GRID2: variants seen among roughly 807,000 people sequenced by gnomAD.
GRID2 encodes glutamate receptor ionotropic, delta-2.
In GRID2, 33 loss-of-function variants were observed where a neutral mutation model predicts 114.8. The observed-to-expected ratio is 0.29, with a 90% CI of 0.22 to 0.38. The LOEUF is 0.38. Ranked by LOEUF, GRID2 falls within the 10% of genes least tolerant of loss-of-function variation. The pLI, the probability that GRID2 is intolerant of heterozygous loss-of-function variation, is 1.00. For synonymous variants in GRID2, 505 were observed against 449.9 expected (o/e 1.12, Z -1.55); for missense variants, 1,184 against 1,257.7 (o/e 0.94, Z 0.89).
intron 2 of GRID2, among the ~76,000 whole-genome samples, chr4:92,716,339 T>C (rs1350566769): frequency 1.3e-5 from 2 of 152,210 alleles, no homozygotes; most frequent in African/African-American, 4.8e-5. Flanking sequence ...GTTTTGAGCT[T>C]TGACATGCTC....
chr4:93,210,992 A>C (rs1052598826), intron 5 of GRID2, among the ~76,000 whole-genome samples: 1 of 152,112 alleles, frequency 6.6e-6, no homozygotes, highest in Non-Finnish European at 1.5e-5. Context: ...CCTTACTAGA[A>C]AAATAAAGTG....
chr4:93,193,674 C>A (rs1232575869), intron 4 of GRID2, among the ~76,000 whole-genome samples: 1 of 152,110 alleles, frequency 6.6e-6, no homozygotes, highest in Non-Finnish European at 1.5e-5. Context: ...TTGCTCTTTT[C>A]CTTTTGTATT....
intron 4 of GRID2, among the ~76,000 whole-genome samples, chr4:93,203,395 T>C (rs1008884831): frequency 6.6e-6 from 1 of 152,152 alleles, no homozygotes; most frequent in African/African-American, 2.4e-5. Flanking sequence ...TACATTGATA[T>C]ATAATTAAAA....
intron 10 of GRID2, among the ~76,000 whole-genome samples, chr4:93,452,385 A>T (rs187669759): frequency 2.4e-4 from 37 of 152,286 alleles, no homozygotes; most frequent in Admixed American, 4.6e-4. Context: ...TGGGATATAT[A>T]AAAATGGAGA....
intron 1 of GRID2, among the ~76,000 whole-genome samples, chr4:92,556,458 TTTATTA>T (rs756310607): frequency 3.9e-5 from 6 of 152,186 alleles, no homozygotes; most frequent in East Asian, 3.9e-4. Flanking sequence ...CATTGGATCA[TTTATTA>T]TTATTATTAT....
chr4:93,182,407 A>G (rs1421576000), intron 4 of GRID2, among the ~76,000 whole-genome samples: 1 of 152,184 alleles, frequency 6.6e-6, no homozygotes, highest in Non-Finnish European at 1.5e-5. Context: ...TAGGCAAACT[A>G]TATTCTATTA....
intron 2 of GRID2, among the ~76,000 whole-genome samples, chr4:92,598,532 G>A (rs1167094374): frequency 6.6e-6 from 1 of 151,998 alleles, no homozygotes; most frequent in African/African-American, 2.4e-5. Context: ...ACCTCGCAGG[G>A]AAAAACATAT....
intron 4 of GRID2, among the ~76,000 whole-genome samples, chr4:93,149,643 T>A (rs1312495754): frequency 6.6e-6 from 1 of 151,928 alleles, no homozygotes; most frequent in African/African-American, 2.4e-5. Context: ...TTTATGTATT[T>A]ATTTATTAGA....
At chr4:93,307,946 T>A (rs1435525964) in intron 8 of GRID2, among the ~76,000 whole-genome samples, 1 of 152,180 alleles carries the variant, frequency 6.6e-6, no homozygotes, top group Non-Finnish European at 1.5e-5. Context: ...CTGATTTTTT[T>A]TTTTAAAAAC....
At chr4:93,063,162 A>G (rs965974933) in intron 2 of GRID2, among the ~76,000 whole-genome samples, 2 of 151,924 alleles carry the variant, frequency 1.3e-5, no homozygotes, top group Non-Finnish European at 2.9e-5. Context: ...AAATAGTACT[A>G]TGAAATTCAA....
chr4:93,515,294 C>T lies in GRID2; in HGVS notation c.2076C>T (p.Arg692=). The change falls in exon 13 of 16, where the codon CGC becomes CGT. Residue 692 remains arginine (R), a synonymous_variant. Coordinates refer to ENST00000282020, the MANE Select transcript of GRID2 (RefSeq NM_001510.4). Reference sequence around the variant, plus strand: ...ACTCTGCGGTATATGAGCATGTCCGCATGAAAGGACTGAATCCTTTTGAGA... The same window carrying T: ...ACTCTGCGGTATATGAGCATGTCCGTATGAAAGGACTGAATCCTTTTGAGA... ...VLDSAVYEHV[R]MKGLNPFERD... is the part of the protein sequence containing the mutation. The T allele has an allele frequency of 6.2e-7, 1 of 1,610,090 alleles. No homozygotes were observed.
chr4:92,772,566 A>T (rs1374842794), intron 2 of GRID2, among the ~76,000 whole-genome samples: 1 of 152,120 alleles, frequency 6.6e-6, no homozygotes, highest in African/African-American at 2.4e-5. Flanking sequence ...ATTCTTCTCA[A>T]TATTTCCATA....
chr4:93,240,251 C>A (rs972747531), intron 8 of GRID2, among the ~76,000 whole-genome samples: 4 of 151,598 alleles, frequency 2.6e-5, no homozygotes, highest in Non-Finnish European at 5.9e-5. Flanking sequence ...TACATACCAC[C>A]AGCAGTGCAG....
chr4:92,523,247 C>G (rs1724876803), intron 1 of GRID2, among the ~76,000 whole-genome samples: 1 of 151,830 alleles, frequency 6.6e-6, no homozygotes, highest in African/African-American at 2.4e-5. Flanking sequence ...TATCTGAAAT[C>G]AAGAGTGCAG....
At chr4:92,449,711 A>ATATATATATATATATATATAT (rs1466326075) in intron 1 of GRID2, among the ~76,000 whole-genome samples, 12 of 130,138 alleles carry the variant, frequency 9.2e-5, no homozygotes, top group South Asian at 2.4e-4. Context: ...ATATATATAT[A>ATATATATATATATATATATAT]ACACTTAAGC....
chr4:92,916,691 C>T (rs923892473), intron 2 of GRID2, among the ~76,000 whole-genome samples: 4 of 152,108 alleles, frequency 2.6e-5, no homozygotes, highest in African/African-American at 4.8e-5. Flanking sequence ...GATATGAACT[C>T]GTCATTTTTT....
intron 2 of GRID2, among the ~76,000 whole-genome samples, chr4:92,934,166 C>T (rs967335090): frequency 2.0e-5 from 3 of 151,720 alleles, no homozygotes; most frequent in African/African-American, 4.8e-5. Flanking sequence ...TACCCATGAG[C>T]GTGGAATGTT....
intron 2 of GRID2, among the ~76,000 whole-genome samples, chr4:92,873,454 A>T (rs965244475): frequency 6.6e-6 from 1 of 152,080 alleles, no homozygotes; most frequent in Non-Finnish European, 1.5e-5. Flanking sequence ...AAATCATTTA[A>T]ATGTTATATT....
chr4:92,305,179 G>T (rs1319846583), intron 1 of GRID2, among the ~76,000 whole-genome samples: 4 of 152,194 alleles, frequency 2.6e-5, no homozygotes, highest in Non-Finnish European at 5.9e-5. Flanking sequence ...CTGGGCTGGG[G>T]GGTAGGGGGA....
Sources: allele counts gnomAD v4.1 joint callset (sites outside exome capture counted in the v4.1 genomes callset), GRCh38; gene constraint gnomAD v4.1.1; transcripts MANE v1.5; gene names NCBI Gene and HGNC (gene_info 2026-07-23, HGNC 2026-07-21).